The following ERC1 variants were observed in gnomAD, a reference collection of about 807,000 sequenced individuals.
The protein encoded by ERC1 is ELKS/RAB6-interacting/CAST family member 1.
ERC1 carries 56 observed loss-of-function variants against 132.0 expected under a neutral mutation model. The observed-to-expected ratio is 0.42, with a 90% CI of 0.34 to 0.53. The LOEUF is 0.53. Ranked by LOEUF, ERC1 falls within the 20% of genes least tolerant of loss-of-function variation. The probability of loss-of-function intolerance (pLI) is 0.03; values close to 1 mark genes in which losing one functional copy is unlikely to be tolerated. For synonymous variants in ERC1, 478 were observed against 476.1 expected, an observed-to-expected ratio of 1.00 and a Z score of -0.05; for missense variants, 1,202 against 1,349.9, an observed-to-expected ratio of 0.89 and a Z score of 1.72.
chr12:1,253,248 A>T (rs2076575599), intron 13 of ERC1, among the ~76,000 whole-genome samples: 1 of 152,174 alleles, frequency 6.6e-6, no homozygotes, highest in African/African-American at 2.4e-5. Context: ...ATCATCAAGT[A>T]GCTCTTTTTT....
At chr12:1,364,179 G>C (rs998652847) in intron 15 of ERC1, among the ~76,000 whole-genome samples, 6 of 152,216 alleles carry the variant, frequency 3.9e-5, no homozygotes, top group African/African-American at 1.4e-4. Flanking sequence ...CCAAGAGTCA[G>C]ACAGCAGCGT....
chr12:1,272,628 A>G (rs913588708), intron 14 of ERC1, among the ~76,000 whole-genome samples: 5 of 152,066 alleles, frequency 3.3e-5, no homozygotes, highest in Non-Finnish European at 5.9e-5. Flanking sequence ...ATTATTTCCT[A>G]TTTTACATCC....
chr12:1,389,067 A>G (rs2089701628), intron 16 of ERC1, among the ~76,000 whole-genome samples: 1 of 152,144 alleles, frequency 6.6e-6, no homozygotes, highest in African/African-American at 2.4e-5. Context: ...TGTTTCTTCT[A>G]TGCTTGGGTC....
chr12:1,395,764 G>A (rs940319795), intron 16 of ERC1, among the ~76,000 whole-genome samples: 14 of 149,382 alleles, frequency 9.4e-5, no homozygotes, highest in Non-Finnish European at 1.6e-4. Context: ...TCTTAAGAAC[G>A]AGCAGATAGA....
intron 2 of ERC1, among the ~76,000 whole-genome samples, chr12:1,050,210 G>T (rs1971705617): frequency 6.6e-6 from 1 of 152,084 alleles, no homozygotes; most frequent in Admixed American, 6.5e-5. Flanking sequence ...TGGATTTTGG[G>T]ACTTGGCCAA....
At position 1,154,718 on chromosome 12, in the gene ERC1, AAAAAT is replaced by A. The variant is rs1406641526; in HGVS notation, c.1737+12934_1737+12938del. Among the ~76,000 whole-genome samples the A allele has an allele frequency of 4.6e-5, 7 of 152,274 alleles. No individual in the cohort carries two copies. The East Asian group carries it at 1.4e-3, about 29-fold the overall frequency. ...CAAGGAACTTAAATCAACAAGAAAA[AAAAAT>A]AATCCCATAAAAAATGGGCAAATAG... On this transcript the variant is annotated intron_variant, in intron 8 of 18. Transcript: ENST00000360905.
intron 2 of ERC1, among the ~76,000 whole-genome samples, chr12:1,030,737 C>CA (rs1448014467): frequency 1.3e-5 from 2 of 152,104 alleles, no homozygotes; most frequent in Non-Finnish European, 2.9e-5. Context: ...AAACAAAAAA[C>CA]AAAGATTATA....
chr12:1,322,442 C>T (rs1170202722), intron 15 of ERC1, among the ~76,000 whole-genome samples: 2 of 152,138 alleles, frequency 1.3e-5, no homozygotes, highest in African/African-American at 2.4e-5. Context: ...TACCAAGCAG[C>T]ATCCATAGTA....
At chr12:1,203,053 A>T (rs112986026) in intron 12 of ERC1, among the ~76,000 whole-genome samples, 116 of 152,308 alleles carry the variant, frequency 7.6e-4, no homozygotes, top group African/African-American at 2.6e-3. Flanking sequence ...AGATGTCAGC[A>T]GACCTACATT....
chr12:1,166,626 C>G (rs1026334754), intron 8 of ERC1, among the ~76,000 whole-genome samples: 2 of 152,100 alleles, frequency 1.3e-5, no homozygotes, highest in African/African-American at 4.8e-5. Context: ...AATTCTTTTT[C>G]TGTATCTATT....
intron 15 of ERC1, among the ~76,000 whole-genome samples, chr12:1,339,429 G>C (rs980260644): frequency 7.2e-6 from 1 of 139,856 alleles, no homozygotes; most frequent in African/African-American, 2.8e-5. Flanking sequence ...GCTAGCAGGT[G>C]CCAGGGTGCC....
At chr12:1,289,091 ACACACACACACACACACACACACAC>A in intron 14 of ERC1, among the ~76,000 whole-genome samples, 1 of 103,192 alleles carries the variant, frequency 9.7e-6, no homozygotes, top group African/African-American at 4.6e-5. Context: ...ATGTACACAC[ACACACACACACACACACACACACAC>A]ACACACACAC....
At chr12:1,037,190 A>G (rs1969251857) in intron 2 of ERC1, among the ~76,000 whole-genome samples, 1 of 152,228 alleles carries the variant, frequency 6.6e-6, no homozygotes, top group African/African-American at 2.4e-5. Flanking sequence ...ATAAGGGCAG[A>G]GTTTGCCAGA....
intron 7 of ERC1, among the ~76,000 whole-genome samples, chr12:1,140,003 T>C (rs1566064501): frequency 6.6e-6 from 1 of 152,126 alleles, no homozygotes; most frequent in Non-Finnish European, 1.5e-5. Flanking sequence ...GATGAAAGAC[T>C]CTTGAAGGAG....
At position 1,426,573 on chromosome 12, in the gene ERC1, C is replaced by G. The variant is rs77277346; in HGVS notation, c.3025-17989C>G. 3.8e-3 allele frequency among the ~76,000 whole-genome samples: 579 copies of G among 152,136 alleles called. 4 individuals carry two copies. Among genetic ancestry groups the G allele is most frequent in the African/African-American group, 0.013 (559 of 41,482 alleles). ...ACTTTTGAATAACTTGCAGAAATTC[C>G]CAGAATTCTAGGATCTTTGCTCTAG... On this transcript the variant is annotated intron_variant, in intron 17 of 18. Coordinates refer to ENST00000360905, the MANE Select transcript of ERC1 (RefSeq NM_178040.4).
intron 16 of ERC1, among the ~76,000 whole-genome samples, chr12:1,385,211 C>G (rs2089179294): frequency 6.6e-6 from 1 of 152,340 alleles, no homozygotes; most frequent in South Asian, 2.1e-4. Flanking sequence ...ATTTCAATTT[C>G]TGCTAAATGA....
chr12:1,246,409 A>C (rs1246739847), intron 13 of ERC1, among the ~76,000 whole-genome samples: 1 of 152,224 alleles, frequency 6.6e-6, no homozygotes, highest in Non-Finnish European at 1.5e-5. Context: ...ATAAGTAATC[A>C]AATACATAAA....
chr12:1,121,218 C>T (rs1210451048), intron 7 of ERC1, among the ~76,000 whole-genome samples: 3 of 152,214 alleles, frequency 2.0e-5, no homozygotes, highest in African/African-American at 4.8e-5. Context: ...GATTCAAACC[C>T]GCAAACTTGC....
At chr12:1,480,903 G>A (rs11609462) in intron 18 of ERC1, 228,084 of 701,810 alleles carry the variant, frequency 0.32, 40,962 homozygotes, top group African/African-American at 0.62. Context: ...CTCATGGTAA[G>A]GAAATGCAGA....
Sources: allele counts gnomAD v4.1 joint callset (sites outside exome capture counted in the v4.1 genomes callset), GRCh38; gene constraint gnomAD v4.1.1; transcripts MANE v1.5; gene names NCBI Gene and HGNC (gene_info 2026-07-23, HGNC 2026-07-21).